Variants in PCDHGA1 observed in about 807,000 individuals in gnomAD.
The protein encoded by PCDHGA1 is protocadherin gamma-A1.
A neutral mutation model predicts 58.0 loss-of-function variants in PCDHGA1; 32 were observed. That is an observed-to-expected ratio of 0.55 (90% CI 0.42 to 0.74). The LOEUF is 0.74. Among genes scored for constraint, PCDHGA1 ranks in the 30% least tolerant of loss-of-function variants. The probability of loss-of-function intolerance (pLI) is 0.00; values close to 1 mark genes in which losing one functional copy is unlikely to be tolerated. For synonymous variants in PCDHGA1, 498 were observed against 501.1 expected, an observed-to-expected ratio of 0.99 and a Z score of 0.08; for missense variants, 1,205 against 1,182.3, an observed-to-expected ratio of 1.02 and a Z score of -0.28.
At chr5:141,383,225 T>G in intron 1 of PCDHGA1, 2 of 1,613,970 alleles carry the variant, frequency 1.2e-6, no homozygotes, top group Non-Finnish European at 1.7e-6. Context: ...TTTAACATCC[T>G]GATGGAAGAT....
chr5:141,360,729 C>G (rs767195567), intron 1 of PCDHGA1: 21 of 1,613,886 alleles, frequency 1.3e-5, no homozygotes, highest in Admixed American at 1.7e-5. Context: ...TTCTAAAACA[C>G]TCTCTGGACA....
chr5:141,339,375 T>C (rs1451142947), intron 1 of PCDHGA1: 1 of 1,614,150 alleles, frequency 6.2e-7, no homozygotes, highest in Non-Finnish European at 8.5e-7. Context: ...CGCTTTGGAG[T>C]AGAGGAACTG....
At chr5:141,340,640 G>T in intron 1 of PCDHGA1, 1 of 1,614,220 alleles carries the variant, frequency 6.2e-7, no homozygotes, top group Non-Finnish European at 8.5e-7. Flanking sequence ...GGACCAGAAC[G>T]ACAACGCGCC....
chr5:141,507,616 G>A (rs1288020739), intron 3 of PCDHGA1, among the ~76,000 whole-genome samples: 3 of 152,252 alleles, frequency 2.0e-5, no homozygotes, highest in Non-Finnish European at 4.4e-5. Context: ...GGTATATTTA[G>A]CTGTTGTGGC....
Position 141,332,512 on chromosome 5 carries a change from A to C in PCDHGA1, c.1828A>C (p.Lys610Gln), listed in dbSNP as rs777128722. ...QNAWLSYRLL[K>Q]ASEPGLFSVG... ...CGCCTGGCTGTCCTACCGCCTGCTC[A>C]AGGCCAGCGAGCCGGGACTCTTCTC... Residue 610 changes from lysine (K) to glutamine (Q), a missense_variant, in exon 1 of 4, where the codon AAG becomes CAG. By Grantham distance (53) the Lys-to-Gln change is moderately conservative. Coordinates refer to ENST00000517417, the MANE Select transcript of PCDHGA1 (RefSeq NM_018912.3). The surrounding 1 kb of genome is among the most constrained non-coding windows in gnomAD (Gnocchi z 4.6). 6.2e-7 allele frequency: 1 copy of C among 1,612,346 alleles called. No homozygotes were observed. Among genetic ancestry groups the C allele is most frequent in the East Asian group, 2.2e-5 (1 of 44,772 alleles).
At chr5:141,410,595 C>T (rs753833671) in intron 1 of PCDHGA1, 1 of 1,608,802 alleles carries the variant, frequency 6.2e-7, no homozygotes. Flanking sequence ...GAGGATTTGA[C>T]TTCACATCCT....
intron 1 of PCDHGA1, chr5:141,370,391 C>A (rs1766857480): frequency 1.9e-6 from 3 of 1,542,934 alleles, no homozygotes; most frequent in African/African-American, 1.4e-5. Context: ...GCGCAGAGAG[C>A]GGGATGGGAA....
rs373591066 is a variant in PCDHGA1, at chr5:141,404,487, G to A, written c.2421+71382G>A. On this transcript the variant is annotated intron_variant, in intron 1 of 3. Transcript: ENST00000517417. The stretch of plus-strand genomic sequence containing the variant: ...TATGTCTCTATTAACTCAGACACTG[G>A]TGTGCTGTATGCTCTGTGCTCCTTT... 6.8e-6 allele frequency: 11 copies of A among 1,613,722 alleles called. No homozygotes were observed. Among genetic ancestry groups the A allele is most frequent in the Admixed American group, 1.7e-5 (1 of 60,008 alleles).
At chr5:141,501,330 CACA>C (rs1301023208) in intron 2 of PCDHGA1, among the ~76,000 whole-genome samples, 82 of 151,502 alleles carry the variant, frequency 5.4e-4, no homozygotes, top group Admixed American at 2.2e-3. Flanking sequence ...CACACACACA[CACA>C]CCCCAAACTC....
At chr5:141,411,161 A>G (rs2095470005) in intron 1 of PCDHGA1, 1 of 152,284 alleles carries the variant, frequency 6.6e-6, no homozygotes, top group Non-Finnish European at 1.5e-5. Context: ...AGTTCTGACT[A>G]TCGAACAGAA....
chr5:141,481,842 T>C (rs1402237517), intron 1 of PCDHGA1, among the ~76,000 whole-genome samples: 1 of 144,038 alleles, frequency 6.9e-6, no homozygotes, highest in Non-Finnish European at 1.5e-5. Flanking sequence ...AATCGCTTGA[T>C]GGTGGAGGTT....
In PCDHGA1 at chr5:141,422,644, T is replaced by C. The variant is rs770618826; in HGVS notation, c.2422-72163T>C. 9 of 1,612,266 alleles carry C rather than the reference T, an allele frequency of 5.6e-6. No homozygotes were observed. The Admixed American group carries it at 1.5e-4, about 27-fold the overall frequency. ...AAACAACCCCAGGGGTGCCTCCATC[T>C]TCTCAGTGACCGCCCTCGACCCGGA... On this transcript the variant is annotated intron_variant, in intron 1 of 3. Coordinates refer to ENST00000517417, the MANE Select transcript of PCDHGA1 (RefSeq NM_018912.3).
At chr5:141,344,387 A>G (rs189385307) in intron 1 of PCDHGA1, 2 of 1,612,396 alleles carry the variant, frequency 1.2e-6, no homozygotes, top group East Asian at 2.2e-5. Context: ...AAATTTTTGA[A>G]GTAGAAATAG....
In PCDHGA1 at chr5:141,432,059, A is replaced by G. The variant is rs752124614; in HGVS notation, c.2422-62748A>G. The stretch of plus-strand genomic sequence containing the variant: ...TGACCGGGGAACCCCGCCCCTATCC[A>G]CGGAAACTCATATCTCGCTGAACGT... On this transcript the variant is annotated intron_variant, in intron 1 of 3. Coordinates refer to ENST00000517417, the MANE Select transcript of PCDHGA1 (RefSeq NM_018912.3). The surrounding 1 kb of genome is among the most constrained non-coding windows in gnomAD (Gnocchi z 6.0). 17 of 1,614,052 alleles carry G rather than the reference A, an allele frequency of 1.1e-5. No individual in the cohort carries two copies. The highest frequency in any genetic ancestry group is 1.3e-5 in the African/African-American group (1 of 74,918).
intron 1 of PCDHGA1, among the ~76,000 whole-genome samples, chr5:141,452,068 A>G (rs554365813): frequency 1.1e-3 from 160 of 152,308 alleles, no homozygotes; most frequent in Middle Eastern, 6.8e-3. Flanking sequence ...TTCTACTTTT[A>G]TTAGTTGGCA....
intron 1 of PCDHGA1, chr5:141,370,410 G>T (rs1294033268): frequency 6.4e-7 from 1 of 1,565,276 alleles, no homozygotes; most frequent in Non-Finnish European, 8.6e-7. Context: ...AAATAGCTCC[G>T]GATGGAGGGG....
At chr5:141,437,345 A>T (rs1018513998) in intron 1 of PCDHGA1, among the ~76,000 whole-genome samples, 2 of 152,252 alleles carry the variant, frequency 1.3e-5, no homozygotes, top group Non-Finnish European at 2.9e-5. Context: ...TCACTGTTTT[A>T]TAGTACCTAA....
chr5:141,368,549 A>T (rs928426629), intron 1 of PCDHGA1, among the ~76,000 whole-genome samples: 5 of 152,138 alleles, frequency 3.3e-5, no homozygotes, highest in Non-Finnish European at 5.9e-5. Context: ...CATTTTTTTT[A>T]AAAGAAAATG....
intron 1 of PCDHGA1, chr5:141,410,671 C>T: frequency 1.3e-6 from 2 of 1,563,260 alleles, no homozygotes; most frequent in Non-Finnish European, 1.7e-6. Context: ...ACTAGTTTCT[C>T]ATATTTTAGG....
Sources: gnomAD v4.1 joint callset for allele counts (sites outside exome capture counted in the v4.1 genomes callset) on GRCh38, gnomAD v4.1.1 for gene constraint, Gnocchi (gnomAD v3.1) non-coding constraint, MANE v1.5 for transcripts, NCBI Gene and HGNC (gene_info 2026-07-23, HGNC 2026-07-21) for gene names.